MACF1: variants seen among roughly 807,000 people sequenced by gnomAD.
The protein encoded by MACF1 is microtubule actin crosslinking factor 1.
In MACF1, 193 loss-of-function variants were observed where a neutral mutation model predicts 854.8. The observed-to-expected ratio is 0.23, with a 90% CI of 0.20 to 0.25. MACF1 has a LOEUF of 0.25. MACF1 is among the 10% of genes least tolerant of loss of function. The pLI, the probability that MACF1 is intolerant of heterozygous loss-of-function variation, is 1.00. For synonymous variants in MACF1, 3,185 were observed against 3,226.7 expected, an observed-to-expected ratio of 0.99 and a Z score of 0.44; for missense variants, 7,722 against 8,929.1, an observed-to-expected ratio of 0.86 and a Z score of 5.45.
intron 71 of MACF1, among the ~76,000 whole-genome samples, 190 bp from the exon 72 acceptor site, chr1:39,439,084 C>CAAAA (rs760415601): frequency 1.2e-5 from 1 of 84,860 alleles, no homozygotes; most frequent in African/African-American, 4.1e-5. Flanking sequence ...ACTCTGTCTC[C>CAAAA]AAAAAAAAAA....
At chr1:39,247,520 T>C (rs1255850582) in intron 2 of MACF1, among the ~76,000 whole-genome samples, 1 of 152,222 alleles carries the variant, frequency 6.6e-6, no homozygotes, top group Non-Finnish European at 1.5e-5. Flanking sequence ...GTCTGTTGTG[T>C]CTCTGTGATG....
intron 52 of MACF1, among the ~76,000 whole-genome samples, chr1:39,377,398 T>C (rs568537623): frequency 6.6e-6 from 1 of 152,318 alleles, no homozygotes; most frequent in South Asian, 2.1e-4. Context: ...TAAAGTATCA[T>C]TATGAATATT....
At chr1:39,319,851 AT>A in intron 31 of MACF1, 104 bp downstream of exon 31, 1 of 794,738 alleles carries the variant, frequency 1.3e-6, no homozygotes, top group Non-Finnish European at 2.0e-6. Context: ...CAGAGTTCTT[AT>A]GCTACAAGCT....
intron 6 of MACF1, chr1:39,269,274 C>T: frequency 7.8e-7 from 1 of 1,289,876 alleles, no homozygotes; most frequent in East Asian, 5.6e-5. Flanking sequence ...AGGAAATATT[C>T]AGCGTGGGTT....
intron 6 of MACF1, among the ~76,000 whole-genome samples, chr1:39,276,691 A>T (rs1309623038): frequency 6.6e-6 from 1 of 152,146 alleles, no homozygotes; most frequent in Admixed American, 6.5e-5. Context: ...TCTGTATTGG[A>T]TATTACTATA....
Position 39,359,140 on chromosome 1 carries a change from G to T in MACF1, c.12121-1G>T, listed in dbSNP as rs760037697. 2 of 1,613,906 alleles carry T rather than the reference G, an allele frequency of 1.2e-6. No homozygotes were observed. Among genetic ancestry groups the T allele is most frequent in the South Asian group, 2.2e-5 (2 of 91,060 alleles). ...CTTTTGTTTTTTTCATGGACAAGCA[G>T]CAGTTGCAGGAGGAATTGGCTGAGC... On this transcript the variant is annotated splice_acceptor_variant, in intron 46 of 100. Coordinates refer to ENST00000564288, the MANE Select transcript of MACF1 (RefSeq NM_001394062.1). LOFTEE classifies it high-confidence loss of function.
intron 2 of MACF1, among the ~76,000 whole-genome samples, chr1:39,186,582 G>A (rs1275806496): frequency 6.6e-6 from 1 of 151,334 alleles, no homozygotes; most frequent in Non-Finnish European, 1.5e-5. Context: ...TTACTATAAG[G>A]CATATGACAA....
At chr1:39,246,019 A>G (rs1644977903) in intron 2 of MACF1, among the ~76,000 whole-genome samples, 1 of 152,160 alleles carries the variant, frequency 6.6e-6, no homozygotes, top group African/African-American at 2.4e-5. Context: ...ATCCTCCTTG[A>G]CTTCTGCTGT....
chr1:39,394,980 G>A (rs913433599), intron 58 of MACF1, among the ~76,000 whole-genome samples: 12 of 151,948 alleles, frequency 7.9e-5, no homozygotes, highest in African/African-American at 2.9e-4. Context: ...CTTAAACAAA[G>A]CTACTCCAAA....
intron 58 of MACF1, among the ~76,000 whole-genome samples, chr1:39,396,153 A>G (rs1342067011): frequency 6.6e-6 from 1 of 152,124 alleles, no homozygotes; most frequent in African/African-American, 2.4e-5. Context: ...ATTCTGGCCA[A>G]CATGGTGAAA....
At chr1:39,449,776 C>T (rs1644300754) in intron 84 of MACF1, among the ~76,000 whole-genome samples, 2 of 150,966 alleles carry the variant, frequency 1.3e-5, no homozygotes, top group Non-Finnish European at 2.9e-5. Flanking sequence ...CTGCAGCCTC[C>T]AACTCCTGGG....
At chr1:39,423,491 C>A (rs894664295) in intron 60 of MACF1, among the ~76,000 whole-genome samples, 2 of 151,642 alleles carry the variant, frequency 1.3e-5, no homozygotes, top group Non-Finnish European at 2.9e-5. Flanking sequence ...AAAAATTAGC[C>A]GGGCATGGTG....
Position 39,332,519 on chromosome 1 carries a change from T to G in MACF1, c.5931T>G (p.Asn1977Lys), listed in dbSNP as rs937190238. ...LMTHSYINVQ[N>K]GQRLLLLDKE... Reference sequence around the variant, plus strand: ...CTCACAGCTATATTAATGTGCAAAATGGACAGAGGCTGCTTCTGTTAGATA... The same window carrying G: ...CTCACAGCTATATTAATGTGCAAAAGGGACAGAGGCTGCTTCTGTTAGATA... Residue 1977 changes from asparagine (N) to lysine (K), a missense_variant, in exon 37 of 101, where the codon AAT becomes AAG. By Grantham distance (94) the Asn-to-Lys change is moderately conservative. Transcript: ENST00000564288. 1 of 1,613,858 alleles carries G rather than the reference T, an allele frequency of 6.2e-7. No individual in the cohort carries two copies. Among genetic ancestry groups the G allele is most frequent in the Admixed American group, 1.7e-5 (1 of 59,988 alleles).
chr1:39,093,072 C>G (rs1641847695), intron 2 of MACF1, among the ~76,000 whole-genome samples: 1 of 152,050 alleles, frequency 6.6e-6, no homozygotes, highest in African/African-American at 2.4e-5. Context: ...GTGTGAGCCA[C>G]CGCGCCTGGC....
intron 2 of MACF1, among the ~76,000 whole-genome samples, chr1:39,139,736 C>T (rs962897151): frequency 6.6e-6 from 1 of 152,176 alleles, no homozygotes; most frequent in South Asian, 2.1e-4. Flanking sequence ...TATCATCTTT[C>T]TGAACTGACA....
chr1:39,242,884 C>T (rs912070341), intron 2 of MACF1, among the ~76,000 whole-genome samples: 2 of 152,136 alleles, frequency 1.3e-5, no homozygotes, highest in Admixed American at 6.5e-5. Context: ...ATCTTGCCCC[C>T]GCAACCCCTG....
chr1:39,317,481 T>G, intron 29 of MACF1, 74 bp downstream of exon 29: 2 of 1,451,510 alleles, frequency 1.4e-6, no homozygotes, highest in Non-Finnish European at 1.9e-6. Flanking sequence ...GAGTTATATC[T>G]GTACATTTAT....
chr1:39,136,635 G>A (rs2148179183), intron 2 of MACF1, among the ~76,000 whole-genome samples: 1 of 152,150 alleles, frequency 6.6e-6, no homozygotes, highest in South Asian at 2.1e-4. Context: ...TACCTCCAAT[G>A]CCTAGAGACC....
At chr1:39,414,158 C>T in intron 58 of MACF1, 1 of 1,611,780 alleles carries the variant, frequency 6.2e-7, no homozygotes, top group Admixed American at 1.7e-5. Context: ...TCCCCAGCAG[C>T]AGCAGTGCCC....
Sources: allele counts gnomAD v4.1 joint callset (sites outside exome capture counted in the v4.1 genomes callset), GRCh38; gene constraint gnomAD v4.1.1; transcripts MANE v1.5; gene names NCBI Gene and HGNC (gene_info 2026-07-23, HGNC 2026-07-21).